The following GRIN2A variants were observed in gnomAD, a reference collection of about 807,000 sequenced individuals.
GRIN2A encodes the protein glutamate receptor ionotropic, NMDA 2A.
GRIN2A carries 22 observed loss-of-function variants against 113.4 expected under a neutral mutation model. The ratio of observed to expected loss-of-function variants is 0.19; its 90% confidence interval spans 0.14 to 0.28. GRIN2A has a LOEUF of 0.28. Among genes scored for constraint, GRIN2A ranks in the 10% least tolerant of loss-of-function variants. GRIN2A has a pLI of 1.00. For missense variants in GRIN2A, 1,502 were observed against 1,887.0 expected, an observed-to-expected ratio of 0.80 and a Z score of 3.78; for synonymous variants, 827 against 738.4, an observed-to-expected ratio of 1.12 and a Z score of -1.94.
At chr16:10,118,495 C>T (rs1596525440) in intron 2 of GRIN2A, among the ~76,000 whole-genome samples, 2 of 152,140 alleles carry the variant, frequency 1.3e-5, no homozygotes, top group African/African-American at 4.8e-5. Flanking sequence ...TACCTCTAAG[C>T]CTGTGAACAA....
intron 2 of GRIN2A, among the ~76,000 whole-genome samples, chr16:10,175,517 T>C (rs942061860): frequency 6.6e-5 from 10 of 152,366 alleles, no homozygotes; most frequent in East Asian, 3.9e-4. Flanking sequence ...GAGATTTTTA[T>C]CTTCTTTAAA....
chr16:10,018,429 C>G (rs2046650822), intron 2 of GRIN2A, among the ~76,000 whole-genome samples: 1 of 152,110 alleles, frequency 6.6e-6, no homozygotes, highest in Non-Finnish European at 1.5e-5. Flanking sequence ...GACAGAAGCC[C>G]CTGGAGAAGA....
intron 2 of GRIN2A, among the ~76,000 whole-genome samples, chr16:9,949,574 G>A (rs1445397398): frequency 1.3e-5 from 2 of 151,990 alleles, no homozygotes; most frequent in Non-Finnish European, 2.9e-5. Context: ...ATGAATGGAT[G>A]GATGAATGGA....
intron 2 of GRIN2A, among the ~76,000 whole-genome samples, chr16:10,142,893 C>T (rs907801368): frequency 6.6e-6 from 1 of 152,108 alleles, no homozygotes; most frequent in South Asian, 2.1e-4. Context: ...CTGGTGCCAC[C>T]ACATAATAAT....
At chr16:9,972,354 A>G (rs910434039) in intron 2 of GRIN2A, among the ~76,000 whole-genome samples, 7 of 152,208 alleles carry the variant, frequency 4.6e-5, no homozygotes, top group African/African-American at 1.4e-4. Flanking sequence ...ACATATAAGA[A>G]GTAGGGAAAT....
At chr16:9,786,277 T>C (rs1902223700) in intron 11 of GRIN2A, among the ~76,000 whole-genome samples, 1 of 152,198 alleles carries the variant, frequency 6.6e-6, no homozygotes, top group African/African-American at 2.4e-5. Context: ...TGACTTCTCT[T>C]AATTACATTC....
intron 2 of GRIN2A, among the ~76,000 whole-genome samples, chr16:10,068,951 C>A (rs932847214): frequency 5.9e-5 from 9 of 152,090 alleles, no homozygotes; most frequent in African/African-American, 1.9e-4. Flanking sequence ...ACAGAGAGCA[C>A]AGGTGACAAC....
chr16:10,063,917 T>C (rs59553531), intron 2 of GRIN2A, among the ~76,000 whole-genome samples: 4,716 of 152,244 alleles, frequency 0.031, 263 homozygotes, highest in African/African-American at 0.11. Flanking sequence ...GCCACTTTAT[T>C]CATGACCCCA....
chr16:9,907,864 C>T (rs1003347004), intron 3 of GRIN2A, among the ~76,000 whole-genome samples: 9 of 152,158 alleles, frequency 5.9e-5, no homozygotes, highest in South Asian at 2.1e-4. Context: ...CATACATTCT[C>T]TTCTTTGCTG....
intron 11 of GRIN2A, among the ~76,000 whole-genome samples, chr16:9,775,333 T>C (rs763272482): frequency 3.3e-5 from 5 of 152,224 alleles, no homozygotes; most frequent in Non-Finnish European, 7.3e-5. Flanking sequence ...AGGAAGCTGT[T>C]GCTTTTTGGT....
At chr16:10,148,418 A>T (rs533791706) in intron 2 of GRIN2A, among the ~76,000 whole-genome samples, 1 of 152,310 alleles carries the variant, frequency 6.6e-6, no homozygotes, top group Admixed American at 6.5e-5. Flanking sequence ...AAAATTACCA[A>T]ATATAAAAGA....
intron 2 of GRIN2A, among the ~76,000 whole-genome samples, chr16:9,993,610 T>C (rs768876521): frequency 6.6e-6 from 1 of 152,146 alleles, no homozygotes; most frequent in Admixed American, 6.6e-5. Flanking sequence ...TCCCTAAAAA[T>C]TGAGGCTCTT....
chr16:10,179,890 C>A lies in GRIN2A; in HGVS notation c.414+108G>T, dbSNP rs748991774. ...GTGGCCACGACCCTCCCACCCCCAC[C>A]CCCACTTCACATCAAGACAGATTCT... On this transcript the variant is annotated intron_variant, in intron 2 of 12. Transcript: ENST00000330684. The A allele has an allele frequency of 1.6e-5, 11 of 706,162 alleles. No homozygotes were observed. In the Admixed American group the frequency reaches 2.4e-4, roughly 15 times the overall value. The allele number at this position is 706,162 out of a possible 1,614,324, so 43.7% of individuals were successfully genotyped here.
chr16:9,971,958 G>A lies in GRIN2A; in HGVS notation c.415-33407C>T, dbSNP rs368482232. Among the ~76,000 whole-genome samples the A allele has an allele frequency of 2.6e-4, 40 of 152,264 alleles. 1 individual carries two copies. The South Asian group carries it at 7.7e-3, about 29-fold the overall frequency. ...GACAGCATGCTGCTGTCCCAAAATG[G>A]CACCGGGTGGCTCAACATCTAGTGG... On this transcript the variant is annotated intron_variant, in intron 2 of 12. Coordinates refer to ENST00000330684, the MANE Select transcript of GRIN2A (RefSeq NM_001134407.3).
Position 9,924,673 on chromosome 16 carries a change from C to T in GRIN2A, c.1007+13286G>A, listed in dbSNP as rs573754354. ...TTTTACTTCAGGGATTCAAATTAAA[C>T]ATATATTAAAATCCTCAGTCGTGCT... On this transcript the variant is annotated intron_variant, in intron 3 of 12. Transcript: ENST00000330684. Among the ~76,000 whole-genome samples the T allele has an allele frequency of 1.4e-4, 21 of 151,906 alleles. No individual in the cohort carries two copies. In the South Asian group the frequency reaches 4.4e-3, roughly 32 times the overall value.
chr16:9,798,896 A>G (rs1395239638), intron 10 of GRIN2A, among the ~76,000 whole-genome samples: 2 of 152,252 alleles, frequency 1.3e-5, no homozygotes, highest in Non-Finnish European at 2.9e-5. Context: ...TCCCAAAAGA[A>G]ATACATGTGC....
At chr16:9,850,069 G>T in intron 4 of GRIN2A, 108 bp from the exon 5 acceptor site, 2 of 900,112 alleles carry the variant, frequency 2.2e-6, no homozygotes, top group Non-Finnish European at 3.7e-6. Context: ...GGGCCTTTCT[G>T]CCACATATCT....
At chr16:9,765,935 T>A (rs566356968) in intron 12 of GRIN2A, among the ~76,000 whole-genome samples, 1 of 152,338 alleles carries the variant, frequency 6.6e-6, no homozygotes, top group East Asian at 1.9e-4. Flanking sequence ...TACTCTTTCT[T>A]TCTTTTAGAA....
In GRIN2A at chr16:9,965,989, C is replaced by G. The variant is rs574345885; in HGVS notation, c.415-27438G>C. ...CTTTCTGGTAGCTTATCAAAATAATCTTGGGATCTTTTAAATATGCAGCAC... is the reference window on the plus strand; with the variant it reads ...CTTTCTGGTAGCTTATCAAAATAATGTTGGGATCTTTTAAATATGCAGCAC... On this transcript the variant is annotated intron_variant, in intron 2 of 12. Transcript: ENST00000330684. Among the ~76,000 whole-genome samples the G allele has an allele frequency of 1.8e-4, 28 of 152,298 alleles. 1 individual carries two copies. Among genetic ancestry groups the G allele is most frequent in the African/African-American group, 6.7e-4 (28 of 41,566 alleles).
Sources: gnomAD v4.1 joint callset for allele counts (sites outside exome capture counted in the v4.1 genomes callset) on GRCh38, gnomAD v4.1.1 for gene constraint, MANE v1.5 for transcripts, NCBI Gene and HGNC (gene_info 2026-07-23, HGNC 2026-07-21) for gene names.